Variants in SLCO1B3 observed in about 807,000 individuals in gnomAD.
SLCO1B3 encodes liver-specific organic anion transporter 2.
In SLCO1B3, 72 loss-of-function variants were observed where a neutral mutation model predicts 71.8. That is an observed-to-expected ratio of 1.00 (90% CI 0.83 to 1.22). The LOEUF (loss-of-function observed/expected upper bound fraction) is 1.22. Ranked by LOEUF, SLCO1B3 falls within the 50% of genes most tolerant of loss-of-function variation. The pLI is 0.00. For synonymous variants in SLCO1B3, 298 were observed against 278.4 expected, an observed-to-expected ratio of 1.07 and a Z score of -0.70; for missense variants, 911 against 819.7, an observed-to-expected ratio of 1.11 and a Z score of -1.36.
intron 4 of SLCO1B3, among the ~76,000 whole-genome samples, chr12:20,858,202 A>G (rs751666764): frequency 2.6e-5 from 4 of 152,132 alleles, no homozygotes; most frequent in African/African-American, 4.8e-5. Flanking sequence ...TGCTTCTCTC[A>G]TATAGCCAAA....
At chr12:20,909,926 A>T (rs1458746260) in intron 15 of SLCO1B3, among the ~76,000 whole-genome samples, 12 of 152,138 alleles carry the variant, frequency 7.9e-5, no homozygotes, top group Non-Finnish European at 1.3e-4. Context: ...CTGTCTTCCA[A>T]ACCTGGAATA....
chr12:20,885,690 A>T (rs1298184284), intron 13 of SLCO1B3, among the ~76,000 whole-genome samples: 1 of 151,918 alleles, frequency 6.6e-6, no homozygotes, highest in African/African-American at 2.4e-5. Flanking sequence ...AGCAAAGACA[A>T]AGGCCCTTGG....
intron 3 of SLCO1B3, among the ~76,000 whole-genome samples, chr12:20,842,596 C>A (rs1864826244): frequency 6.6e-6 from 1 of 151,950 alleles, no homozygotes; most frequent in African/African-American, 2.4e-5. Context: ...TTAGATTTTT[C>A]AAAAAATAGC....
intron 3 of SLCO1B3, among the ~76,000 whole-genome samples, chr12:20,849,711 T>TCACA (rs146186543): frequency 0.011 from 1,353 of 126,342 alleles, 21 homozygotes; most frequent in East Asian, 0.062. Context: ...TAGTAGAAAA[T>TCACA]CACACACACA....
intron 3 of SLCO1B3, among the ~76,000 whole-genome samples, chr12:20,854,233 T>C (rs1865084896): frequency 6.6e-6 from 1 of 152,172 alleles, no homozygotes; most frequent in Admixed American, 6.5e-5. Flanking sequence ...TCTATCATGT[T>C]CAAGTCATTT....
chr12:20,880,905 C>G lies in SLCO1B3; in HGVS notation c.1382C>G (p.Ser461Ter), dbSNP rs768200691. Residue 461 changes from serine (S) to a stop codon, truncating the protein, a stop_gained, in exon 12 of 16, where the codon TCA becomes TGA. Transcript: ENST00000381545. LOFTEE classifies it high-confidence loss of function. ...GATGTACCACTTTCTTATTGCAACT[C>G]AGAGTGCAATTGTGATGAAAGTCAG... is the stretch of plus-strand genomic sequence containing the variant. Reference protein sequence around the residue: ...HVDVPLSYCNSECNCDESQWE... With the variant: ...HVDVPLSYCN 1.2e-6 allele frequency: 2 copies of G among 1,610,408 alleles called. No homozygotes were observed. Among genetic ancestry groups the G allele is most frequent in the Non-Finnish European group, 1.7e-6 (2 of 1,176,950 alleles).
chr12:20,858,303 C>G, intron 4 of SLCO1B3, 136 bp from the exon 5 acceptor site: 1 of 615,886 alleles, frequency 1.6e-6, no homozygotes. Context: ...GGAGAGTTTA[C>G]CTTCACAGTT....
chr12:20,882,011 T>C (rs1865704694), intron 12 of SLCO1B3, among the ~76,000 whole-genome samples: 1 of 152,200 alleles, frequency 6.6e-6, no homozygotes, highest in Admixed American at 6.5e-5. Flanking sequence ...TTTAGTAAAC[T>C]TGCACATTTG....
At chr12:20,910,943 T>C (rs1197025807) in intron 15 of SLCO1B3, among the ~76,000 whole-genome samples, 1 of 152,104 alleles carries the variant, frequency 6.6e-6, no homozygotes, top group Non-Finnish European at 1.5e-5. Flanking sequence ...CCATTCCCTT[T>C]TGACTTTTTT....
chr12:20,893,179 G>C lies in SLCO1B3; in HGVS notation c.1683-5257G>C, dbSNP rs34952508. ...TATGAGGACTGGGATGGCCAAAATG[G>C]AGAATTTTAAAAGTGGGTACTGATG... On this transcript the variant is annotated intron_variant, in intron 13 of 15. Transcript: ENST00000381545. Among the ~76,000 whole-genome samples, 448 of 152,264 alleles carry C rather than the reference G, an allele frequency of 2.9e-3. 2 individuals are homozygous for C. Among genetic ancestry groups the C allele is most frequent in the Non-Finnish European group, 4.7e-3 (322 of 68,018 alleles).
chr12:20,821,067 A>AT (rs1864293953), intron 3 of SLCO1B3, among the ~76,000 whole-genome samples: 1 of 152,064 alleles, frequency 6.6e-6, no homozygotes, highest in Non-Finnish European at 1.5e-5. Context: ...GAGAGGTCAG[A>AT]TGGGTCTGTA....
At chr12:20,881,417 C>G (rs1180587557) in intron 12 of SLCO1B3, among the ~76,000 whole-genome samples, 2 of 152,178 alleles carry the variant, frequency 1.3e-5, no homozygotes, top group East Asian at 3.9e-4. Context: ...CTGTTGTCAG[C>G]ACTACCTGCT....
chr12:20,830,048 T>G (rs188665361), intron 3 of SLCO1B3, among the ~76,000 whole-genome samples: 41 of 152,276 alleles, frequency 2.7e-4, no homozygotes, highest in African/African-American at 8.9e-4. Context: ...ATGCCTTAAT[T>G]GTCGGGGACT....
At chr12:20,866,281 TG>T (rs1410357568) in intron 8 of SLCO1B3, among the ~76,000 whole-genome samples, 2 of 152,086 alleles carry the variant, frequency 1.3e-5, no homozygotes, top group African/African-American at 4.8e-5. Context: ...CAAGGACCAT[TG>T]TAAAACAAAA....
chr12:20,826,215 A>G (rs1410526350), intron 3 of SLCO1B3, among the ~76,000 whole-genome samples: 1 of 107,744 alleles, frequency 9.3e-6, no homozygotes, highest in Admixed American at 1.2e-4. Context: ...TTTTATTTAG[A>G]CCTTTAAGGT....
intron 3 of SLCO1B3, among the ~76,000 whole-genome samples, chr12:20,823,081 A>G (rs963376705): frequency 1.1e-4 from 16 of 152,278 alleles, no homozygotes; most frequent in African/African-American, 3.4e-4. Flanking sequence ...AGAAAAAAAT[A>G]GGAGGAGGAA....
At chr12:20,889,652 A>G (rs1865863002) in intron 13 of SLCO1B3, among the ~76,000 whole-genome samples, 1 of 151,886 alleles carries the variant, frequency 6.6e-6, no homozygotes, top group African/African-American at 2.4e-5. Flanking sequence ...ACAACTTTTT[A>G]TTTCACTGAT....
chr12:20,847,379 G>A (rs1864939587), intron 3 of SLCO1B3, among the ~76,000 whole-genome samples: 1 of 152,082 alleles, frequency 6.6e-6, no homozygotes, highest in Admixed American at 6.6e-5. Flanking sequence ...CCTTCATGAT[G>A]GGATTTGTGC....
chr12:20,898,596 TAAA>T (rs1193927843), intron 14 of SLCO1B3, 96 bp downstream of exon 14: 1 of 534,850 alleles, frequency 1.9e-6, no homozygotes, highest in Non-Finnish European at 3.3e-6. Flanking sequence ...TAAGACTGTA[TAAA>T]AAAGAATAGG....
Sources: allele counts gnomAD v4.1 joint callset (sites outside exome capture counted in the v4.1 genomes callset), GRCh38; gene constraint gnomAD v4.1.1; transcripts MANE v1.5; gene names NCBI Gene and HGNC (gene_info 2026-07-23, HGNC 2026-07-21).